The following MBP variants were observed in gnomAD, a reference collection of about 807,000 sequenced individuals.
MBP encodes myelin basic protein, also known as Golli-MBP.
Under a neutral mutation model 35.8 loss-of-function variants are expected in MBP, and 16 were observed. That is an observed-to-expected ratio of 0.45 (90% confidence interval 0.30 to 0.68). MBP has a LOEUF of 0.68. Ranked by LOEUF, MBP falls within the 30% of genes least tolerant of loss-of-function variation. MBP has a pLI of 0.08. For missense variants in MBP, 380 were observed against 404.7 expected (o/e 0.94, Z 0.52); for synonymous variants, 143 against 159.6 (o/e 0.90, Z 0.78).
At chr18:77,067,888 T>C (rs1232522836) in intron 2 of MBP, 5 of 498,212 alleles carry the variant, frequency 1.0e-5, no homozygotes, top group Admixed American at 2.1e-5. Context: ...TCAGACCTAG[T>C]GTGACTCACT....
rs1251704527 is a variant in MBP, at chr18:77,101,251, T to G, written c.51+3960A>C. Reference sequence around the variant, plus strand: ...CTCCAGGGCAGCTGGCACCCTTTCCTTCTTGGGTTCTGCCAAGTTCTGTAG... The same window carrying G: ...CTCCAGGGCAGCTGGCACCCTTTCCGTCTTGGGTTCTGCCAAGTTCTGTAG... On this transcript the variant is annotated intron_variant, in intron 2 of 8. Coordinates refer to ENST00000355994, the MANE Select transcript of MBP (RefSeq NM_001025101.2). This position sits in a 1 kb window ranked among gnomAD's most constrained non-coding sequence, Gnocchi z 4.3. Among the ~76,000 whole-genome samples the G allele has an allele frequency of 1.3e-5, 2 of 152,198 alleles. No homozygotes were observed. Among genetic ancestry groups the G allele is most frequent in the Non-Finnish European group, 2.9e-5 (2 of 68,036 alleles).
rs576019139 is a variant in MBP, at chr18:77,073,281, G to A, written c.52-6896C>T. Among the ~76,000 whole-genome samples the A allele has an allele frequency of 2.0e-5, 3 of 152,264 alleles. No individual in the cohort carries two copies. The East Asian group carries it at 5.8e-4, about 29-fold the overall frequency. On this transcript the variant is annotated intron_variant, in intron 2 of 8. Transcript: ENST00000355994. ...TTTCAGCATCATCTAGTTTTACAAA[G>A]AGGGTCAACACTAGGCTCATGTTAA...
intron 4 of MBP, among the ~76,000 whole-genome samples, chr18:76,993,252 GAA>G (rs1292168556): frequency 1.3e-5 from 2 of 152,178 alleles, no homozygotes; most frequent in Non-Finnish European, 2.9e-5. Context: ...CATGAGGAAT[GAA>G]AGAGGGATCC....
chr18:77,091,077 C>T (rs866790755), intron 2 of MBP, among the ~76,000 whole-genome samples: 7 of 152,312 alleles, frequency 4.6e-5, no homozygotes, highest in Middle Eastern at 6.8e-3. Flanking sequence ...ACCACACATT[C>T]GAAAACAACA....
chr18:77,053,960 A>G (rs546137257), intron 3 of MBP, among the ~76,000 whole-genome samples: 2 of 152,284 alleles, frequency 1.3e-5, no homozygotes, highest in South Asian at 2.1e-4. Flanking sequence ...GTACTGCCCC[A>G]CTCTGCATCC....
At chr18:77,055,862 T>C (rs1395434469) in intron 3 of MBP, among the ~76,000 whole-genome samples, 1 of 152,222 alleles carries the variant, frequency 6.6e-6, no homozygotes, top group African/African-American at 2.4e-5. Flanking sequence ...AACCCAGACA[T>C]TCCCAGAAAC....
At chr18:77,032,231 C>T (rs536961444) in intron 3 of MBP, among the ~76,000 whole-genome samples, 1 of 152,294 alleles carries the variant, frequency 6.6e-6, no homozygotes, top group Non-Finnish European at 1.5e-5. Flanking sequence ...GCGCGCTGTG[C>T]TTGGGGTCAC....
chr18:77,009,865 A>G (rs1276600529), intron 4 of MBP: 1 of 1,591,616 alleles, frequency 6.3e-7, no homozygotes, highest in Admixed American at 1.7e-5. Context: ...CATGTTGCAC[A>G]GCCCAGGCTG....
chr18:77,051,465 C>T (rs938017571), intron 3 of MBP, among the ~76,000 whole-genome samples: 4 of 152,202 alleles, frequency 2.6e-5, no homozygotes, highest in African/African-American at 9.6e-5. Flanking sequence ...CCCGACAGAG[C>T]CCACCTGGGG....
chr18:77,036,920 GGAGACTGAGCTGAGCAAGTGCTGGTCACA>G (rs1972795956), intron 3 of MBP, among the ~76,000 whole-genome samples: 1 of 77,210 alleles, frequency 1.3e-5, no homozygotes, highest in Non-Finnish European at 2.5e-5. Context: ...GTCACATTTT[GGAGACTGAGCTGAGCAAGTGCTGGTCACA>G]TTTTGGAGAC....
intron 2 of MBP, among the ~76,000 whole-genome samples, chr18:77,082,685 A>G (rs7234396): frequency 5.2e-5 from 1 of 19,094 alleles, no homozygotes; most frequent in African/African-American, 1.2e-4. Context: ...TCCTCCCTGC[A>G]GCAGCTGGAC....
chr18:77,132,303 T>TG (rs1977308407), intron 1 of MBP, among the ~76,000 whole-genome samples: 3 of 151,996 alleles, frequency 2.0e-5, no homozygotes. Context: ...CCCCGCGCAA[T>TG]GGGGATCGGG....
At chr18:76,982,514 T>C (rs1333040068) in intron 8 of MBP, 1 of 152,238 alleles carries the variant, frequency 6.6e-6, no homozygotes, top group African/African-American at 2.4e-5. Flanking sequence ...AGGATGCTCC[T>C]ATGATGTTCT....
chr18:77,111,597 C>G (rs1173313157), intron 1 of MBP, among the ~76,000 whole-genome samples: 2 of 152,238 alleles, frequency 1.3e-5, no homozygotes, highest in African/African-American at 4.8e-5. Flanking sequence ...TGTGAGGCCT[C>G]TGCCTCCTCT....
At chr18:76,985,126 C>T (rs746507249) in intron 7 of MBP, 148 of 1,534,108 alleles carry the variant, frequency 9.6e-5, no homozygotes, top group African/African-American at 2.4e-4. Flanking sequence ...CTGGTTTGGG[C>T]GGAGGCTCTC....
chr18:77,071,356 T>C (rs978836016), intron 2 of MBP, among the ~76,000 whole-genome samples: 1 of 151,842 alleles, frequency 6.6e-6, no homozygotes, highest in Admixed American at 6.5e-5. Flanking sequence ...TTTCAATCCC[T>C]TAAAAAATGC....
chr18:77,078,345 T>C (rs1411198886), intron 2 of MBP, among the ~76,000 whole-genome samples: 1 of 152,124 alleles, frequency 6.6e-6, no homozygotes, highest in African/African-American at 2.4e-5. Context: ...TACCACCCGC[T>C]CTCCCAGGTT....
At chr18:77,071,151 C>T (rs73968295) in intron 2 of MBP, among the ~76,000 whole-genome samples, 4,385 of 152,212 alleles carry the variant, frequency 0.029, 95 homozygotes, top group East Asian at 0.089. Flanking sequence ...ACACTTGCTT[C>T]GTATTGGTAC....
At chr18:76,981,507 G>T (rs547696297) in intron 8 of MBP, 1 of 152,316 alleles carries the variant, frequency 6.6e-6, no homozygotes, top group Non-Finnish European at 1.5e-5. Context: ...ACTTCTTGGG[G>T]GGTTTTCCAA....
Sources: allele counts gnomAD v4.1 joint callset (sites outside exome capture counted in the v4.1 genomes callset), GRCh38; gene constraint gnomAD v4.1.1; non-coding constraint Gnocchi (gnomAD v3.1); transcripts MANE v1.5; gene names NCBI Gene and HGNC (gene_info 2026-07-23, HGNC 2026-07-21).